MAP3K21: variants seen among roughly 807,000 people sequenced by gnomAD.
MAP3K21 encodes the protein mitogen-activated protein kinase kinase kinase MLK4.
In MAP3K21, 63 loss-of-function variants were observed where a neutral mutation model predicts 86.1. That is an observed-to-expected ratio of 0.73 (90% CI 0.60 to 0.90). MAP3K21 has a LOEUF of 0.90. Among genes scored for constraint, MAP3K21 ranks in the 40% least tolerant of loss-of-function variants. The pLI is 0.00. For synonymous variants in MAP3K21, 558 were observed against 564.8 expected, an observed-to-expected ratio of 0.99 and a Z score of 0.17; for missense variants, 1,220 against 1,367.7, an observed-to-expected ratio of 0.89 and a Z score of 1.70.
At position 233,358,255 on chromosome 1, in the gene MAP3K21, T is replaced by C. The variant is rs16858993; in HGVS notation, c.1311+3244T>C. 5.6e-3 allele frequency among the ~76,000 whole-genome samples: 855 copies of C among 151,944 alleles called. 20 individuals are homozygous for C. In the East Asian group the frequency reaches 0.063, roughly 11 times the overall value. On this transcript the variant is annotated intron_variant, in intron 4 of 9. Transcript: ENST00000366624. ...TCTTAGTATGTGCTAAATTAAGTGT[T>C]AGTCTCAGGAAAAAAAAAGAAAGTG... is the stretch of plus-strand genomic sequence containing the variant.
chr1:233,356,996 T>C (rs565358945), intron 4 of MAP3K21, among the ~76,000 whole-genome samples: 22 of 152,294 alleles, frequency 1.4e-4, no homozygotes, highest in African/African-American at 5.1e-4. Flanking sequence ...AATGTCCGGG[T>C]GTGGTGGCTC....
chr1:233,338,748 G>T (rs992917893), intron 1 of MAP3K21, among the ~76,000 whole-genome samples: 2 of 152,200 alleles, frequency 1.3e-5, no homozygotes, highest in African/African-American at 4.8e-5. Context: ...ATGCAGTCTT[G>T]GGGGCCCTAC....
At chr1:233,380,447 C>A (rs1331704289) in intron 9 of MAP3K21, among the ~76,000 whole-genome samples, 1 of 152,172 alleles carries the variant, frequency 6.6e-6, no homozygotes, top group East Asian at 1.9e-4. Context: ...TCTGTACAGA[C>A]CCTATTCCAC....
At position 233,354,949 on chromosome 1, in the gene MAP3K21, A is replaced by T. The variant is rs533478743; in HGVS notation, c.1249A>T (p.Met417Leu). The T allele has an allele frequency of 6.2e-7, 1 of 1,614,082 alleles. No individual in the cohort carries two copies. Among genetic ancestry groups the T allele is most frequent in the African/African-American group, 1.3e-5 (1 of 75,072 alleles). The change falls in exon 4 of 10, where the codon ATG becomes TTG. Residue 417 changes from methionine (M) to leucine (L), a missense_variant. Physicochemically the swap from Met to Leu is conservative, Grantham distance 15. Transcript: ENST00000366624. The part of the protein sequence containing the change: ...TEMPQESFHS[M>L]QDDWKLEIQQ... ...GATGCCTCAAGAATCTTTTCATTCC[A>T]TGCAAGATGACTGGAAACTAGAAAT...
rs1244209454 is a variant in MAP3K21, at chr1:233,384,711, G to A, written c.*2000G>A. The stretch of plus-strand genomic sequence containing the variant: ...TGTGTGCATGCATATTAGTAAATGT[G>A]TGTTTGCATGTGTGTGTTGGGGAGT... On this transcript the variant is annotated 3_prime_UTR_variant, in exon 10 of 10. Transcript: ENST00000366624. The A allele has an allele frequency of 6.6e-6, 1 of 152,124 alleles. No homozygotes were observed. The highest frequency in any genetic ancestry group is 2.1e-4 in the South Asian group (1 of 4,822). The allele number at this position is 152,124 out of a possible 1,614,324, so 9.4% of individuals were successfully genotyped here.
At chr1:233,380,723 A>G (rs945635064) in intron 9 of MAP3K21, among the ~76,000 whole-genome samples, 1 of 152,228 alleles carries the variant, frequency 6.6e-6, no homozygotes, top group Non-Finnish European at 1.5e-5. Context: ...AAGCACTTGG[A>G]CATAAATTGT....
intron 1 of MAP3K21, among the ~76,000 whole-genome samples, chr1:233,336,554 T>TAAATAAATA (rs564288747): frequency 1.3e-4 from 20 of 151,032 alleles, no homozygotes; most frequent in Middle Eastern, 3.4e-3. Context: ...AATAAATAAA[T>TAAATAAATA]AAATAAAATA....
intron 1 of MAP3K21, among the ~76,000 whole-genome samples, chr1:233,334,963 C>CTTTTTTTTTTTTTTTTTTTTTT: frequency 6.8e-6 from 1 of 146,620 alleles, no homozygotes; most frequent in Non-Finnish European, 1.5e-5. Context: ...TTCTTTCTTT[C>CTTTTTTTTTTTTTTTTTTTTTT]TTTTTTTTTT....
intron 1 of MAP3K21, among the ~76,000 whole-genome samples, chr1:233,334,164 CTTT>C (rs60541029): frequency 2.9e-5 from 4 of 136,878 alleles, no homozygotes; most frequent in African/African-American, 8.3e-5. Flanking sequence ...CGTGCCTGGA[CTTT>C]TTTTTTTTTT....
chr1:233,339,386 T>TCTCCTCCTC (rs1553337424), intron 1 of MAP3K21, among the ~76,000 whole-genome samples: 1 of 70,542 alleles, frequency 1.4e-5, no homozygotes, highest in Non-Finnish European at 2.6e-5. Flanking sequence ...TTCTTCTCCT[T>TCTCCTCCTC]CTTCTCCTCC....
At chr1:233,372,233 A>G in intron 6 of MAP3K21, 73 bp downstream of exon 6, 2 of 1,573,814 alleles carry the variant, frequency 1.3e-6, no homozygotes, top group Non-Finnish European at 8.7e-7. Context: ...ATTCAAATTG[A>G]GCAGATGTGT....
chr1:233,355,244 G>C (rs1271093042), intron 4 of MAP3K21, among the ~76,000 whole-genome samples: 1 of 152,078 alleles, frequency 6.6e-6, no homozygotes, highest in Non-Finnish European at 1.5e-5. Flanking sequence ...AAAAAAGAGA[G>C]AGAGAGCAAA....
intron 6 of MAP3K21, among the ~76,000 whole-genome samples, chr1:233,374,933 G>A (rs144079833): frequency 8.0e-4 from 121 of 150,420 alleles, no homozygotes; most frequent in Admixed American, 1.4e-3. Flanking sequence ...ATTTTCCCCA[G>A]TGATTTCCAA....
intron 4 of MAP3K21, among the ~76,000 whole-genome samples, chr1:233,355,892 C>G (rs58507994): frequency 0.014 from 2,150 of 152,246 alleles, 50 homozygotes; most frequent in African/African-American, 0.049. Flanking sequence ...GTCCCCTTCT[C>G]CTTCTAAAAT....
intron 2 of MAP3K21, among the ~76,000 whole-genome samples, chr1:233,348,502 A>AT (rs1663190148): frequency 6.6e-6 from 1 of 152,182 alleles, no homozygotes; most frequent in South Asian, 2.1e-4. Flanking sequence ...CTATATATCT[A>AT]GGAGTAGTAG....
Position 233,378,968 on chromosome 1 carries a change from A to G in MAP3K21, c.1962A>G (p.Leu654=), listed in dbSNP as rs962324864. 1 of 1,613,894 alleles carries G rather than the reference A, an allele frequency of 6.2e-7. No homozygotes were observed. The highest frequency in any genetic ancestry group is 8.5e-7 in the Non-Finnish European group (1 of 1,179,886). Residue 654 remains leucine (L), a synonymous_variant, in exon 9 of 10, where the codon TTA becomes TTG. Coordinates refer to ENST00000366624, the MANE Select transcript of MAP3K21 (RefSeq NM_032435.3). ...AGCCAAAACTTTCCCCTGATGGATT[A>G]GAACACAGAAAACCAAAACAAATAA... is the stretch of plus-strand genomic sequence containing the variant. ...CEEPKLSPDG[L]EHRKPKQIKL... is the part of the protein sequence containing the mutation.
At chr1:233,329,223 A>T (rs1261396453) in intron 1 of MAP3K21, among the ~76,000 whole-genome samples, 2 of 152,098 alleles carry the variant, frequency 1.3e-5, no homozygotes, top group Non-Finnish European at 2.9e-5. Flanking sequence ...GACCGTCTTC[A>T]CCCGGTGGCC....
At chr1:233,342,590 C>A (rs1434381753) in intron 1 of MAP3K21, among the ~76,000 whole-genome samples, 3 of 152,132 alleles carry the variant, frequency 2.0e-5, no homozygotes, top group Non-Finnish European at 2.9e-5. Context: ...TTAGAGAAGT[C>A]TTAGGTAAAA....
At chr1:233,367,411 A>C (rs1663598800) in intron 5 of MAP3K21, among the ~76,000 whole-genome samples, 1 of 152,248 alleles carries the variant, frequency 6.6e-6, no homozygotes, top group South Asian at 2.1e-4. Flanking sequence ...TATAGCTGCT[A>C]TGACCAGGCA....
Sources: gnomAD v4.1 joint callset for allele counts (sites outside exome capture counted in the v4.1 genomes callset) on GRCh38, gnomAD v4.1.1 for gene constraint, MANE v1.5 for transcripts, NCBI Gene and HGNC (gene_info 2026-07-23, HGNC 2026-07-21) for gene names.